RNF17: variants seen among roughly 807,000 people sequenced by gnomAD.
RNF17 encodes ring finger protein 17.
RNF17 carries 31 observed loss-of-function variants against 200.5 expected under a neutral mutation model. The ratio of observed to expected loss-of-function variants is 0.15; its 90% CI spans 0.12 to 0.21. The LOEUF (loss-of-function observed/expected upper bound fraction) is 0.21, where lower values mean the gene tolerates loss of function less well. Among genes scored for constraint, RNF17 ranks in the 10% least tolerant of loss-of-function variants. The pLI, the probability that RNF17 is intolerant of heterozygous loss-of-function variation, is 1.00. For missense variants in RNF17, 1,628 were observed against 1,905.1 expected (o/e 0.85, Z 2.71); for synonymous variants, 606 against 637.8 (o/e 0.95, Z 0.75).
intron 32 of RNF17, among the ~76,000 whole-genome samples, chr13:24,871,362 G>C (rs1894227019): frequency 1.3e-5 from 2 of 152,180 alleles, no homozygotes; most frequent in African/African-American, 4.8e-5. Flanking sequence ...TTTTGAGACA[G>C]AGTCTCGTTT....
At chr13:24,885,930 C>T in the RNF17 span, 1 of 494,310 alleles carries the variant, frequency 2.0e-6, no homozygotes, top group Admixed American at 3.3e-5. Flanking sequence ...CTGACAGACC[C>T]AAATGTATTT....
At chr13:24,779,528 G>A in intron 4 of RNF17, 139 bp from the exon 5 acceptor site, 1 of 557,702 alleles carries the variant, frequency 1.8e-6, no homozygotes, top group Non-Finnish European at 3.1e-6. Flanking sequence ...TTTGTTGCTT[G>A]TTTTCACTTT....
At chr13:24,796,696 C>T (rs1279904366) in intron 11 of RNF17, among the ~76,000 whole-genome samples, 1 of 152,106 alleles carries the variant, frequency 6.6e-6, no homozygotes, top group African/African-American at 2.4e-5. Context: ...ATTCAGGAGG[C>T]CTGTGGCACC....
At chr13:24,780,347 A>T (rs1359612099) in intron 5 of RNF17, among the ~76,000 whole-genome samples, 1 of 152,206 alleles carries the variant, frequency 6.6e-6, no homozygotes, top group Admixed American at 6.5e-5. Context: ...GGAAAAAATA[A>T]TGTCACCTGT....
rs1003113611 is a variant in RNF17 at position 24,851,517 on chromosome 13, G to A, written c.3266G>A (p.Arg1089His). Residue 1089 changes from arginine to histidine, a missense_variant, in exon 24 of 36, where the codon CGT becomes CAT. Physicochemically the swap from Arg to His is conservative, Grantham distance 29. Transcript: ENST00000255324. ...KIFCRDEKGE[R>H]VDVSKYLIKK... Reference sequence around the variant, plus strand: ...TTCTGCAGAGATGAAAAAGGAGAGCGTGTTGATGTTTCTAAATATTTGATT... The same window carrying A: ...TTCTGCAGAGATGAAAAAGGAGAGCATGTTGATGTTTCTAAATATTTGATT... 20 of 1,613,616 alleles carry A rather than the reference G, an allele frequency of 1.2e-5. No individual in the cohort carries two copies. Among genetic ancestry groups the A allele is most frequent in the Non-Finnish European group, 1.5e-5 (18 of 1,179,872 alleles).
upstream of RNF17, among the ~76,000 whole-genome samples, chr13:24,761,408 T>C (rs755347144): frequency 6.6e-6 from 1 of 152,254 alleles, no homozygotes; most frequent in Non-Finnish European, 1.5e-5. Context: ...GTTAGCTCTG[T>C]GACTGCATAG....
At chr13:24,831,757 C>T in intron 17 of RNF17, 101 bp from the exon 18 acceptor site, 1 of 1,027,994 alleles carries the variant, frequency 9.7e-7, no homozygotes, top group Non-Finnish European at 1.4e-6. Context: ...GTATGAAATT[C>T]AAACATAAAG....
intron 3 of RNF17, 90 bp from the exon 4 acceptor site, chr13:24,778,205 T>G: frequency 1.2e-6 from 1 of 806,190 alleles, no homozygotes; most frequent in Non-Finnish European, 2.0e-6. Context: ...GAGGCTGCCA[T>G]GAGCCATGAT....
At position 24,825,486 on chromosome 13, in the gene RNF17, AAC is replaced by A. The variant is rs753048234; in HGVS notation, c.2092-129_2092-128del. The A allele has an allele frequency of 8.5e-5, 57 of 674,004 alleles. No individual in the cohort carries two copies. The East Asian group carries it at 9.4e-4, about 11-fold the overall frequency. 41.8% of individuals were successfully genotyped at this position (674,004 alleles called of 1,614,324 possible). ...TAAAATTTTGTAAAATAAATTACGTAACACAATTGATAGATTTACATTCAATT... is the reference window on the plus strand; with the variant it reads ...TAAAATTTTGTAAAATAAATTACGTAACAATTGATAGATTTACATTCAATT... On this transcript the variant is annotated intron_variant, in intron 15 of 35. Coordinates refer to ENST00000255324, the MANE Select transcript of RNF17 (RefSeq NM_031277.3).
At chr13:24,785,071 A>G (rs1485983122) in intron 6 of RNF17, among the ~76,000 whole-genome samples, 1 of 150,768 alleles carries the variant, frequency 6.6e-6, no homozygotes, top group East Asian at 2.0e-4. Flanking sequence ...TTTTGCTTTC[A>G]TTTTTCTTTG....
chr13:24,783,588 CT>C (rs1882720328), intron 6 of RNF17, among the ~76,000 whole-genome samples: 1 of 152,070 alleles, frequency 6.6e-6, no homozygotes, highest in Non-Finnish European at 1.5e-5. Flanking sequence ...CTTTCACCTC[CT>C]TTGTTTATTC....
intron 18 of RNF17, among the ~76,000 whole-genome samples, chr13:24,836,119 T>A (rs1889967956): frequency 1.3e-5 from 2 of 151,960 alleles, no homozygotes; most frequent in African/African-American, 4.8e-5. Context: ...AAAAAGAAAA[T>A]ATGAACAAAG....
In RNF17 at chr13:24,799,385, C is replaced by T. The variant is rs562149633; in HGVS notation, c.1400-10C>T. 1.3e-6 allele frequency: 2 copies of T among 1,591,036 alleles called. No homozygotes were observed. Among genetic ancestry groups the T allele is most frequent in the African/African-American group, 2.7e-5 (2 of 73,964 alleles). ...AATGTTTATAACGATTTGTTTCCCT[C>T]ATTATTTAGGTGCAAGAATATTTGT... On this transcript the variant is annotated splice_polypyrimidine_tract_variant and intron_variant, in intron 11 of 35. Transcript: ENST00000255324.
chr13:24,773,144 G>A (rs947995612), intron 2 of RNF17, among the ~76,000 whole-genome samples: 1 of 152,140 alleles, frequency 6.6e-6, no homozygotes, highest in Admixed American at 6.5e-5. Context: ...GCAGTTTGGC[G>A]ATTTCTGAAA....
At chr13:24,878,570 CT>C (rs1280040946) in intron 34 of RNF17, among the ~76,000 whole-genome samples, 3 of 152,122 alleles carry the variant, frequency 2.0e-5, no homozygotes, top group Non-Finnish European at 2.9e-5. Context: ...CAAAGAGCCC[CT>C]GGGAGGTCAC....
intron 2 of RNF17, 76 bp from the exon 3 acceptor site, chr13:24,774,737 T>G (rs1348675674): frequency 1.2e-6 from 1 of 816,298 alleles, no homozygotes; most frequent in Non-Finnish European, 2.0e-6. Context: ...ATAGCACACT[T>G]AAATAGTTGT....
At chr13:24,864,104 A>C (rs1378857657) in intron 28 of RNF17, among the ~76,000 whole-genome samples, 1 of 152,210 alleles carries the variant, frequency 6.6e-6, no homozygotes, top group Non-Finnish European at 1.5e-5. Context: ...TTCCACTTTA[A>C]ACATGCATCT....
At chr13:24,793,493 G>A in intron 10 of RNF17, 147 bp downstream of exon 10, 1 of 710,094 alleles carries the variant, frequency 1.4e-6, no homozygotes, top group Non-Finnish European at 2.2e-6. Flanking sequence ...TTCATTCCAT[G>A]CCCCTACTCT....
the RNF17 span, chr13:24,886,165 C>T: frequency 2.4e-5 from 12 of 509,678 alleles, no homozygotes; most frequent in Non-Finnish European, 4.2e-5. Flanking sequence ...GTGAATCTCT[C>T]TCTAAAAATA....
Sources: allele counts gnomAD v4.1 joint callset (sites outside exome capture counted in the v4.1 genomes callset), GRCh38; gene constraint gnomAD v4.1.1; transcripts MANE v1.5; gene names NCBI Gene and HGNC (gene_info 2026-07-23, HGNC 2026-07-21).